The following OTOA variants were observed in gnomAD, a reference collection of about 807,000 sequenced individuals.
OTOA encodes otoancorin, also known as cancer/testis antigen 108.
Under a neutral mutation model 110.8 loss-of-function variants are expected in OTOA, and 70 were observed. That is an observed-to-expected ratio of 0.63 (90% CI 0.52 to 0.77). The LOEUF is 0.77. Ranked by LOEUF, OTOA falls within the 30% of genes least tolerant of loss-of-function variation. The probability of loss-of-function intolerance (pLI) is 0.00; values close to 1 mark genes in which losing one functional copy is unlikely to be tolerated. For missense variants in OTOA, 917 were observed against 1,075.8 expected (o/e 0.85, Z 2.06); for synonymous variants, 373 against 431.5 (o/e 0.86, Z 1.68).
intron 1 of OTOA, among the ~76,000 whole-genome samples, chr16:21,677,520 C>A (rs751936402): frequency 2.3e-5 from 3 of 129,468 alleles, no homozygotes; most frequent in Non-Finnish European, 4.7e-5. Flanking sequence ...CTTGCTCTGT[C>A]GCCCAGGCTG....
rs761391657 is a variant in OTOA, at chr16:21,728,446, G to A, written c.2207+15G>A. On this transcript the variant is annotated intron_variant, in intron 20 of 28. Transcript: ENST00000646100. ...GGACAGTATGGGTGAGGAGCGGCTG[G>A]GTTTGGCTTTTGGTGGTGTGGTATG... 4 of 1,611,730 alleles carry A rather than the reference G, an allele frequency of 2.5e-6. No homozygotes were observed. In the South Asian group the frequency reaches 3.3e-5, roughly 13 times the overall value.
At chr16:21,706,356 C>T (rs1032345691) in intron 12 of OTOA, among the ~76,000 whole-genome samples, 5 of 152,266 alleles carry the variant, frequency 3.3e-5, no homozygotes, top group South Asian at 4.1e-4. Flanking sequence ...ACACCTGGAG[C>T]GGCAGGAGAT....
At chr16:21,671,795 C>A (rs1251343474) in intron 1 of OTOA, among the ~76,000 whole-genome samples, 1 of 151,872 alleles carries the variant, frequency 6.6e-6, no homozygotes, top group Non-Finnish European at 1.5e-5. Flanking sequence ...TCAGTGAGAT[C>A]TGATAAATGT....
intron 13 of OTOA, among the ~76,000 whole-genome samples, chr16:21,714,354 C>CT (rs1898465550): frequency 3.9e-4 from 26 of 66,126 alleles, no homozygotes; most frequent in Admixed American, 9.0e-4. Flanking sequence ...TCTTTCTTTC[C>CT]TTCTCTCTTT....
intron 6 of OTOA, chr16:21,684,657 C>G (rs73549616): frequency 1.3e-5 from 11 of 826,450 alleles, no homozygotes; most frequent in Non-Finnish European, 1.9e-5. Context: ...GATGTGCGCC[C>G]GGTGTTGCCA....
At chr16:21,685,991 A>T (rs1897704534) in intron 7 of OTOA, among the ~76,000 whole-genome samples, 1 of 152,190 alleles carries the variant, frequency 6.6e-6, no homozygotes, top group Admixed American at 6.6e-5. Flanking sequence ...TCCTGCACTC[A>T]AGGAGCTCAC....
At chr16:21,692,926 T>TCA (rs1897860163) in intron 9 of OTOA, among the ~76,000 whole-genome samples, 1 of 8,910 alleles carries the variant, frequency 1.1e-4, no homozygotes, top group African/African-American at 4.4e-4. Flanking sequence ...AGACTCTGTC[T>TCA]CAAAAAAAAA....
chr16:21,685,297 A>G lies in OTOA; in HGVS notation c.335A>G (p.Lys112Arg), dbSNP rs758593584. The change falls in exon 7 of 29, where the codon AAG becomes AGG. Residue 112 changes from lysine to arginine, a missense_variant. Lys to Arg is a conservative substitution (Grantham distance 26). Transcript: ENST00000646100. ...CAGAAGCTGCTGGAGGACCTGAGGA[A>G]GACAGACGCCCAGCAGTTCCGCACT... Reference protein sequence around the residue: ...QPQKLLEDLRKTDAQQFRTAM... With the variant: ...QPQKLLEDLRRTDAQQFRTAM... The G allele has an allele frequency of 3.7e-6, 6 of 1,613,016 alleles. No individual in the cohort carries two copies. The highest frequency in any genetic ancestry group is 5.1e-6 in the Non-Finnish European group (6 of 1,179,288).
rs727504599 is a variant in OTOA at position 21,709,955 on chromosome 16, C to G, written c.1172C>G (p.Ser391Trp). 4 of 1,613,804 alleles carry G rather than the reference C, an allele frequency of 2.5e-6. No individual in the cohort carries two copies. Among genetic ancestry groups the G allele is most frequent in the Non-Finnish European group, 3.4e-6 (4 of 1,179,916 alleles). ...QTLNETLGSL[S>W]DAVVGLTYSQ... ...CTCAATGAGACCCTGGGTTCTTTGTCGGATGCAGTTGTAGGTTTGACCTAC... is the reference window on the plus strand; with the variant it reads ...CTCAATGAGACCCTGGGTTCTTTGTGGGATGCAGTTGTAGGTTTGACCTAC... Residue 391 changes from serine (S) to tryptophan (W), a missense_variant, in exon 13 of 29, where the codon TCG becomes TGG. Ser to Trp is a radical substitution (Grantham distance 177, BLOSUM62 -3). Transcript: ENST00000646100.
intron 12 of OTOA, among the ~76,000 whole-genome samples, chr16:21,706,581 T>G (rs142174305): frequency 1.3e-5 from 2 of 152,254 alleles, no homozygotes; most frequent in Non-Finnish European, 2.9e-5. Flanking sequence ...CTCTCTCTCA[T>G]TTTCCTTCCT....
intron 21 of OTOA, among the ~76,000 whole-genome samples, chr16:21,734,565 A>G (rs994091920): frequency 2.0e-5 from 3 of 152,210 alleles, no homozygotes; most frequent in African/African-American, 7.2e-5. Context: ...GGCCAGGTGC[A>G]GTGGCTCATG....
intron 1 of OTOA, among the ~76,000 whole-genome samples, chr16:21,672,152 G>A (rs771798443): frequency 5.9e-5 from 9 of 151,990 alleles, no homozygotes; most frequent in Admixed American, 2.0e-4. Context: ...TCACAGAAAT[G>A]GAATCATATG....
intron 7 of OTOA, 87 bp from the exon 8 acceptor site, chr16:21,687,326 C>T: frequency 9.6e-7 from 1 of 1,044,564 alleles, no homozygotes. Flanking sequence ...CCTGACTTTC[C>T]CCACTGTTGC....
chr16:21,707,025 G>A lies in OTOA; in HGVS notation c.1104+1733G>A, dbSNP rs148272018. On this transcript the variant is annotated intron_variant, in intron 12 of 28. Coordinates refer to ENST00000646100, the MANE Select transcript of OTOA (RefSeq NM_144672.4). ...ACTACAGGTGCATGCCACCATGCCC[G>A]GCTAATTTTTTGTGTTTTTAGTAGA... Among the ~76,000 whole-genome samples the A allele has an allele frequency of 5.4e-3, 820 of 151,436 alleles. 7 individuals are homozygous for A. The highest frequency in any genetic ancestry group is 0.019 in the African/African-American group (790 of 41,270).
At chr16:21,687,222 C>G (rs1437080854) in intron 7 of OTOA, among the ~76,000 whole-genome samples, 191 bp from the exon 8 acceptor site, 1 of 152,246 alleles carries the variant, frequency 6.6e-6, no homozygotes, top group East Asian at 1.9e-4. Flanking sequence ...GGAGGCTCCA[C>G]AGTGAGTGGA....
intron 19 of OTOA, among the ~76,000 whole-genome samples, chr16:21,727,910 G>A (rs1017929498): frequency 1.3e-5 from 2 of 149,932 alleles, no homozygotes; most frequent in Admixed American, 1.3e-4. Context: ...CACCCAGGCT[G>A]GAGTGCAATG....
In OTOA at chr16:21,691,589, C is replaced by T. The variant is rs1283841907; in HGVS notation, c.641C>T (p.Ala214Val). ...LREDAFKNLS[A>V]VFKDLYDKTS... is the part of the protein sequence containing the mutation. ...CCTGTGTTTGTGTCATTTAGATCTGCAGTGTTCAAAGATCTCTACGACAAA... is the reference window on the plus strand; with the variant it reads ...CCTGTGTTTGTGTCATTTAGATCTGTAGTGTTCAAAGATCTCTACGACAAA... The change falls in exon 9 of 29, where the codon GCA becomes GTA. Residue 214 changes from alanine (A) to valine (V), a missense_variant. Ala to Val is a moderately conservative substitution (Grantham distance 64). Transcript: ENST00000646100. The T allele has an allele frequency of 3.1e-6, 5 of 1,612,342 alleles. No individual in the cohort carries two copies. The highest frequency in any genetic ancestry group is 2.5e-6 in the Non-Finnish European group (3 of 1,178,508).
intron 24 of OTOA, chr16:21,747,533 A>C (rs1348119466): frequency 7.0e-5 from 8 of 114,376 alleles, no homozygotes; most frequent in Non-Finnish European, 2.0e-5. Flanking sequence ...CAGATAGTTC[A>C]GCTCAAAAAC....
intron 28 of OTOA, 63 bp from the exon 29 acceptor site, chr16:21,760,405 CAT>C (rs1900131392): frequency 1.7e-6 from 2 of 1,208,642 alleles, no homozygotes; most frequent in Admixed American, 1.9e-5. Context: ...AGTTGGACAT[CAT>C]GTGTCTACCT....
Sources: allele counts gnomAD v4.1 joint callset (sites outside exome capture counted in the v4.1 genomes callset), GRCh38; gene constraint gnomAD v4.1.1; transcripts MANE v1.5; gene names NCBI Gene and HGNC (gene_info 2026-07-23, HGNC 2026-07-21).